The following CEP76 variants were observed in gnomAD, a reference collection of about 807,000 sequenced individuals.
CEP76 encodes the protein centrosomal protein of 76 kDa.
CEP76 carries 55 observed loss-of-function variants against 83.3 expected under a neutral mutation model. The ratio of observed to expected loss-of-function variants is 0.66; its 90% CI spans 0.53 to 0.83. The LOEUF (loss-of-function observed/expected upper bound fraction) is 0.83. Ranked by LOEUF, CEP76 falls within the 40% of genes least tolerant of loss-of-function variation. The pLI is 0.00. For missense variants in CEP76, 694 were observed against 799.5 expected, an observed-to-expected ratio of 0.87 and a Z score of 1.59; for synonymous variants, 270 against 274.5, an observed-to-expected ratio of 0.98 and a Z score of 0.16.
chr18:12,702,320 C>G, intron 1 of CEP76, 166 bp downstream of exon 1: 1 of 567,590 alleles, frequency 1.8e-6, no homozygotes, highest in Non-Finnish European at 3.1e-6. Context: ...GAGACGAGGA[C>G]GCTCTCCTGC....
chr18:12,701,810 G>C (rs2040161973), intron 1 of CEP76, among the ~76,000 whole-genome samples: 1 of 152,214 alleles, frequency 6.6e-6, no homozygotes, highest in Non-Finnish European at 1.5e-5. Flanking sequence ...CAACTTCGCT[G>C]ATACCCACAT....
intron 7 of CEP76, among the ~76,000 whole-genome samples, chr18:12,687,302 T>G (rs1010126221): frequency 2.0e-5 from 3 of 152,114 alleles, no homozygotes; most frequent in African/African-American, 7.2e-5. Flanking sequence ...CAGAACATCT[T>G]TTTCCAATAT....
At chr18:12,702,777 G>A (rs193179638), upstream of CEP76, 801 of 580,732 alleles carry the variant, frequency 1.4e-3, 5 homozygotes, top group East Asian at 0.012. Flanking sequence ...GGACAAACAG[G>A]GCTTGGGGCT....
At position 12,682,642 on chromosome 18, in the gene CEP76, T is replaced by C. The variant is rs191738078; in HGVS notation, c.1123-1814A>G. 4.1e-3 allele frequency among the ~76,000 whole-genome samples: 615 copies of C among 151,550 alleles called. 4 individuals carry two copies. The highest frequency in any genetic ancestry group is 6.0e-3 in the Non-Finnish European group (408 of 67,804). On this transcript the variant is annotated intron_variant, in intron 8 of 11. Transcript: ENST00000262127. ...TTTATTTTTTAATTTACTTTTTTCT[T>C]TTTTGAGACAGAGTCTCGCTCTGTC...
downstream of CEP76, chr18:12,671,208 T>C (rs1175657157): frequency 6.6e-6 from 1 of 152,118 alleles, no homozygotes; most frequent in Non-Finnish European, 1.5e-5. Flanking sequence ...CCTCCAAAAG[T>C]GCTGGGATTA....
chr18:12,678,542 T>C (rs1417436260), intron 9 of CEP76, 100 bp from the exon 10 acceptor site: 1 of 717,512 alleles, frequency 1.4e-6, no homozygotes, highest in Non-Finnish European at 2.3e-6. Context: ...TAACTACTTC[T>C]CAGAACTACA....
intron 5 of CEP76, among the ~76,000 whole-genome samples, chr18:12,695,852 CCA>C (rs375916938): frequency 0.13 from 19,947 of 148,090 alleles, 1,404 homozygotes; most frequent in African/African-American, 0.16. Flanking sequence ...CATTCCTTCT[CCA>C]CACACACACA....
intron 6 of CEP76, among the ~76,000 whole-genome samples, chr18:12,693,620 TA>T (rs1449063958): frequency 7.9e-5 from 12 of 151,958 alleles, no homozygotes; most frequent in African/African-American, 2.7e-4. Context: ...CTGTCTCTAT[TA>T]AAAATACAAA....
At chr18:12,669,616 C>T (rs749066721), downstream of CEP76, among the ~76,000 whole-genome samples, 14 of 152,024 alleles carry the variant, frequency 9.2e-5, no homozygotes, top group Non-Finnish European at 1.6e-4. Flanking sequence ...AAGAACACCA[C>T]CTTGGAGACA....
intron 6 of CEP76, among the ~76,000 whole-genome samples, chr18:12,694,509 A>G (rs1483252944): frequency 3.3e-5 from 5 of 152,222 alleles, no homozygotes; most frequent in Non-Finnish European, 1.5e-5. Context: ...GTAATTCATC[A>G]GAGACCTGAC....
chr18:12,698,964 A>G lies in CEP76; in HGVS notation c.520+15T>C, dbSNP rs2145106929. On this transcript the variant is annotated intron_variant, in intron 4 of 11. Transcript: ENST00000262127. ...GATTTACTCAATTAAATGACAATTT[A>G]TTACTGTTTCTTACCCAAGCTTTCT... 1 of 1,535,964 alleles carries G rather than the reference A, an allele frequency of 6.5e-7. No homozygotes were observed. The highest frequency in any genetic ancestry group is 2.3e-5 in the East Asian group (1 of 44,202).
intron 12 of CEP76, among the ~76,000 whole-genome samples, chr18:12,663,279 A>C (rs1056771430): frequency 1.3e-5 from 2 of 152,208 alleles, no homozygotes; most frequent in African/African-American, 4.8e-5. Flanking sequence ...AATAAGGCCC[A>C]AAAATATATA....
intron 5 of CEP76, 59 bp downstream of exon 5, chr18:12,697,164 A>T: frequency 1.7e-6 from 2 of 1,192,664 alleles, no homozygotes; most frequent in Non-Finnish European, 2.4e-6. Flanking sequence ...GATATAAAAT[A>T]TATTTACAAA....
rs1321835596 is a variant in CEP76, at chr18:12,673,342, T to C, written c.*23A>G. 6.3e-7 allele frequency: 1 copy of C among 1,590,018 alleles called. No individual in the cohort carries two copies. The highest frequency in any genetic ancestry group is 2.3e-5 in the East Asian group (1 of 43,322). On this transcript the variant is annotated 3_prime_UTR_variant, in exon 12 of 12. Coordinates refer to ENST00000262127, the MANE Select transcript of CEP76 (RefSeq NM_024899.4). Reference sequence around the variant, plus strand: ...GTAAAATTCCAATTAAACACAGGTATAAATCTTATATAAATATTGGCCCTA... The same window carrying C: ...GTAAAATTCCAATTAAACACAGGTACAAATCTTATATAAATATTGGCCCTA...
In CEP76 at chr18:12,701,118, G is replaced by A; in HGVS notation, c.64-5C>T. On this transcript the variant is annotated splice_region_variant and splice_polypyrimidine_tract_variant and intron_variant, in intron 1 of 11. Transcript: ENST00000262127. The stretch of plus-strand genomic sequence containing the variant: ...TATTCTACCATGGACATCCATCTAT[G>A]TAGAAAACTCATATTACAATTTATA... The A allele has an allele frequency of 1.2e-6, 2 of 1,604,132 alleles. No homozygotes were observed. Among genetic ancestry groups the A allele is most frequent in the Non-Finnish European group, 1.7e-6 (2 of 1,175,762 alleles).
chr18:12,698,871 T>G (rs1261222393), intron 4 of CEP76, 108 bp downstream of exon 4: 15 of 750,428 alleles, frequency 2.0e-5, no homozygotes, highest in Non-Finnish European at 2.6e-5. Flanking sequence ...AAAATAGAGA[T>G]TCCTCCATTA....
intron 1 of CEP76, 74 bp downstream of exon 1, chr18:12,702,412 G>A (rs2040190806): frequency 3.4e-6 from 4 of 1,192,180 alleles, no homozygotes; most frequent in Middle Eastern, 2.4e-4. Flanking sequence ...GCCGCTGTCG[G>A]CCCGGGGCCG....
At position 12,702,470 on chromosome 18, in the gene CEP76, C is replaced by A. The variant is rs1264826253; in HGVS notation, c.63+16G>T. ...GGGTCGGCCCGGCGGTCTCTCCCAG[C>A]ACCCGCGACTCTCACCTTGCTCAGC... On this transcript the variant is annotated intron_variant, in intron 1 of 11. Coordinates refer to ENST00000262127, the MANE Select transcript of CEP76 (RefSeq NM_024899.4). 6.3e-7 allele frequency: 1 copy of A among 1,594,414 alleles called. No homozygotes were observed. Among genetic ancestry groups the A allele is most frequent in the Non-Finnish European group, 8.6e-7 (1 of 1,166,050 alleles).
At chr18:12,666,868 A>G (rs1242993312) in intron 12 of CEP76, among the ~76,000 whole-genome samples, 5 of 152,306 alleles carry the variant, frequency 3.3e-5, no homozygotes, top group African/African-American at 1.2e-4. Context: ...ATTCCAATTT[A>G]ACATCTTTAA....
Sources: allele counts gnomAD v4.1 joint callset (sites outside exome capture counted in the v4.1 genomes callset), GRCh38; gene constraint gnomAD v4.1.1; transcripts MANE v1.5; gene names NCBI Gene and HGNC (gene_info 2026-07-23, HGNC 2026-07-21).